Variants in ZFP14 observed in about 807,000 individuals in gnomAD.
The protein encoded by ZFP14 is zinc finger protein 14 homolog.
In ZFP14, 22 loss-of-function variants were observed where a neutral mutation model predicts 54.5. That is an observed-to-expected ratio of 0.40 (90% CI 0.29 to 0.58). ZFP14 has a LOEUF of 0.58. Ranked by LOEUF, ZFP14 falls within the 20% of genes least tolerant of loss-of-function variation. ZFP14 has a pLI of 0.39. For missense variants in ZFP14, 470 were observed against 637.8 expected, an observed-to-expected ratio of 0.74 and a Z score of 2.83; for synonymous variants, 159 against 204.0, an observed-to-expected ratio of 0.78 and a Z score of 1.88.
intron 4 of ZFP14, among the ~76,000 whole-genome samples, chr19:36,359,087 G>A (rs576214799): frequency 6.6e-6 from 1 of 152,180 alleles, no homozygotes; most frequent in South Asian, 2.1e-4. Context: ...CCTCCAAAAC[G>A]GTAAGAAATA....
rs1308523351 is a variant in ZFP14, at chr19:36,349,231, C to CAAAAAAAAAAAAAAAAA, written c.236-7642_236-7641insTTTTTTTTTTTTTTTTT. On this transcript the variant is annotated intron_variant, in intron 4 of 4. Transcript: ENST00000270001. ...GGGCTATAAGAGGGGAACTCTGTCT[C>CAAAAAAAAAAAAAAAAA]AAAAAAAAAAACAAAAAAAAAAAAA... is the stretch of plus-strand genomic sequence containing the variant. Among the ~76,000 whole-genome samples the CAAAAAAAAAAAAAAAAA allele has an allele frequency of 9.4e-4, 4 of 4,260 alleles. 1 individual carries two copies. The highest frequency in any genetic ancestry group is 6.0e-3 in the East Asian group (1 of 168). 2.8% of individuals were successfully genotyped at this position (4,260 alleles called of 152,430 possible).
intron 2 of ZFP14, among the ~76,000 whole-genome samples, chr19:36,365,810 A>G (rs574008649): frequency 1.3e-4 from 20 of 152,032 alleles, no homozygotes; most frequent in Admixed American, 6.6e-4. Flanking sequence ...AATTTTAAAA[A>G]TTAGCCAAGA....
chr19:36,376,108 T>A (rs942983592), intron 1 of ZFP14, among the ~76,000 whole-genome samples: 3 of 152,142 alleles, frequency 2.0e-5, no homozygotes, highest in African/African-American at 7.2e-5. Context: ...GTTCCCCATA[T>A]GAAATGGTGA....
Position 36,340,159 on chromosome 19 carries a change from C to T in ZFP14, c.*65G>A, listed in dbSNP as rs2031282115. 6.9e-7 allele frequency: 1 copy of T among 1,443,896 alleles called. No individual in the cohort carries two copies. The allele number at this position is 1,443,896 out of a possible 1,614,324, so 89.4% of individuals were successfully genotyped here. ...TATGCTTGGAATTGAGCATGAAACA[C>T]ATTTTCTCAAAAATGAATTTTCTGA... On this transcript the variant is annotated 3_prime_UTR_variant, in exon 5 of 5. Coordinates refer to ENST00000270001, the MANE Select transcript of ZFP14 (RefSeq NM_020917.3). The surrounding 1 kb of genome is among the most constrained non-coding windows in gnomAD (Gnocchi z 5.4).
In ZFP14 at chr19:36,340,262, G is replaced by A. The variant is rs1359897175; in HGVS notation, c.1564C>T (p.His522Tyr). The A allele has an allele frequency of 1.2e-5, 20 of 1,606,960 alleles. No individual in the cohort carries two copies. The highest frequency in any genetic ancestry group is 1.7e-5 in the Non-Finnish European group (20 of 1,176,248). Residue 522 changes from histidine to tyrosine, a missense_variant, in exon 5 of 5, where the codon CAC becomes TAC. Transcript: ENST00000270001. The surrounding 1 kb of genome is among the most constrained non-coding windows in gnomAD (Gnocchi z 5.4). The part of the protein sequence containing the change: ...ECKKAFRQHS[H>Y]LTQHQKIHNG... ...TGAATCTTCTGATGCTGAGTAAGGT[G>A]TGAATGCTGTCTAAAGGCCTTCTTA...
At chr19:36,366,200 G>A (rs1364746108) in intron 2 of ZFP14, among the ~76,000 whole-genome samples, 14 of 151,914 alleles carry the variant, frequency 9.2e-5, no homozygotes, top group East Asian at 1.9e-4. Flanking sequence ...CCCAGAAAGC[G>A]GAGGTTGCAG....
chr19:36,350,141 A>C (rs12462657), intron 4 of ZFP14, among the ~76,000 whole-genome samples: 61,134 of 140,586 alleles, frequency 0.43, 18,563 homozygotes, highest in Admixed American at 0.53. Context: ...AACAAACAAA[A>C]AAAAAAAACA....
At chr19:36,345,819 A>T (rs2031403282) in intron 4 of ZFP14, among the ~76,000 whole-genome samples, 1 of 152,224 alleles carries the variant, frequency 6.6e-6, no homozygotes, top group Non-Finnish European at 1.5e-5. Context: ...AGATCTCAGA[A>T]GAAATTTTAT....
At chr19:36,371,705 TC>T (rs1400689652) in intron 1 of ZFP14, among the ~76,000 whole-genome samples, 2 of 152,018 alleles carry the variant, frequency 1.3e-5, no homozygotes, top group Non-Finnish European at 2.9e-5. Context: ...ATGCCTATAA[TC>T]CCAGCACTTT....
At chr19:36,361,486 C>T (rs2031709587) in intron 3 of ZFP14, among the ~76,000 whole-genome samples, 2 of 151,492 alleles carry the variant, frequency 1.3e-5, no homozygotes, top group South Asian at 2.1e-4. Context: ...GTGATCCACC[C>T]GACTCGGCCT....
chr19:36,349,223 C>A (rs1177961526), intron 4 of ZFP14, among the ~76,000 whole-genome samples: 4 of 88,450 alleles, frequency 4.5e-5, no homozygotes, highest in East Asian at 4.0e-4. Context: ...AAGAGGGGAA[C>A]TCTGTCTCAA....
At position 36,336,607 on chromosome 19, in the gene ZFP14, C is replaced by T. The variant is rs1191228248; in HGVS notation, c.*3617G>A. 2.6e-5 allele frequency: 4 copies of T among 152,186 alleles called. No individual in the cohort carries two copies. The highest frequency in any genetic ancestry group is 1.5e-5 in the Non-Finnish European group (1 of 68,044). The allele number at this position is 152,186 out of a possible 1,614,324, so 9.4% of individuals were successfully genotyped here. ...CTTTTTCTTGACGGAAATACTTATTCATTCCCTCAACACATTCATCTGTGT... is the reference window on the plus strand; with the variant it reads ...CTTTTTCTTGACGGAAATACTTATTTATTCCCTCAACACATTCATCTGTGT... On this transcript the variant is annotated 3_prime_UTR_variant, in exon 5 of 5. Coordinates refer to ENST00000270001, the MANE Select transcript of ZFP14 (RefSeq NM_020917.3).
Position 36,341,374 on chromosome 19 carries a change from G to T in ZFP14, c.452C>A (p.Thr151Asn), listed in dbSNP as rs1164504230. ...AAGAAAATTGTGCCTTTTGTAAGTG[G>T]TCATTTTTTCAGAGGTAATTTTCAC... Reference protein sequence around the residue: ...GQVKITSEKMTTYKRHNFLTE... With the variant: ...GQVKITSEKMNTYKRHNFLTE... Residue 151 changes from threonine to asparagine, a missense_variant, in exon 5 of 5, where the codon ACC (threonine) becomes AAC (asparagine). Coordinates refer to ENST00000270001, the MANE Select transcript of ZFP14 (RefSeq NM_020917.3). This position sits in a 1 kb window ranked among gnomAD's most constrained non-coding sequence, Gnocchi z 4.2. The T allele has an allele frequency of 6.2e-7, 1 of 1,613,942 alleles. No homozygotes were observed. The highest frequency in any genetic ancestry group is 1.1e-5 in the South Asian group (1 of 91,014).
At chr19:36,365,414 C>T (rs1016414398) in intron 2 of ZFP14, among the ~76,000 whole-genome samples, 1 of 152,004 alleles carries the variant, frequency 6.6e-6, no homozygotes, top group Non-Finnish European at 1.5e-5. Context: ...TTACACTAGA[C>T]AAAAATGAGG....
chr19:36,345,432 T>C (rs2031397233), intron 4 of ZFP14, among the ~76,000 whole-genome samples: 1 of 152,104 alleles, frequency 6.6e-6, no homozygotes, highest in Non-Finnish European at 1.5e-5. Context: ...AGAATGACTA[T>C]CAAAAATGGA....
intron 4 of ZFP14, among the ~76,000 whole-genome samples, chr19:36,349,230 T>C (rs2031473216): frequency 6.8e-5 from 1 of 14,656 alleles, no homozygotes. Context: ...GAACTCTGTC[T>C]CAAAAAAAAA....
At chr19:36,376,184 T>C (rs1188251258) in intron 1 of ZFP14, among the ~76,000 whole-genome samples, 2 of 152,144 alleles carry the variant, frequency 1.3e-5, no homozygotes, top group Non-Finnish European at 2.9e-5. Flanking sequence ...ATAAGGCACT[T>C]AGAGTAGTAA....
Position 36,341,365 on chromosome 19 carries a change from T to C in ZFP14, c.461A>G (p.Lys154Arg), listed in dbSNP as rs375431657. ...KITSEKMTTY[K>R]RHNFLTEYQI... ...ATACTCAGTAAGAAAATTGTGCCTT[T>C]TGTAAGTGGTCATTTTTTCAGAGGT... The change falls in exon 5 of 5, where the codon AAA (lysine) becomes AGA (arginine). Residue 154 changes from lysine (K) to arginine (R), a missense_variant. Physicochemically the swap from Lys to Arg is conservative, Grantham distance 26. Transcript: ENST00000270001. This position sits in a 1 kb window ranked among gnomAD's most constrained non-coding sequence, Gnocchi z 4.2. 1.9e-6 allele frequency: 3 copies of C among 1,614,010 alleles called. No individual in the cohort carries two copies. Among genetic ancestry groups the C allele is most frequent in the African/African-American group, 2.7e-5 (2 of 74,930 alleles).
intron 2 of ZFP14, among the ~76,000 whole-genome samples, chr19:36,367,398 GC>G (rs2031811090): frequency 6.6e-6 from 1 of 152,112 alleles, no homozygotes; most frequent in South Asian, 2.1e-4. Context: ...GGTAGGAGAT[GC>G]TCAACATTAG....
Sources: allele counts gnomAD v4.1 joint callset (sites outside exome capture counted in the v4.1 genomes callset), GRCh38; gene constraint gnomAD v4.1.1; non-coding constraint Gnocchi (gnomAD v3.1); transcripts MANE v1.5; gene names NCBI Gene and HGNC (gene_info 2026-07-23, HGNC 2026-07-21).